USP15: variants seen among roughly 807,000 people sequenced by gnomAD.
USP15 encodes ubiquitin specific peptidase 15.
In USP15, 18 loss-of-function variants were observed where a neutral mutation model predicts 127.1. The observed-to-expected ratio is 0.14, with a 90% confidence interval of 0.10 to 0.21. USP15 has a LOEUF of 0.21. Among genes scored for constraint, USP15 ranks in the 10% least tolerant of loss-of-function variants. USP15 has a pLI of 1.00. For missense variants in USP15, 805 were observed against 1,159.9 expected (o/e 0.69, Z 4.44); for synonymous variants, 364 against 393.7 (o/e 0.92, Z 0.89).
intron 3 of USP15, among the ~76,000 whole-genome samples, chr12:62,308,415 A>T (rs2064551901): frequency 6.6e-6 from 1 of 152,050 alleles, no homozygotes. Context: ...AGTCAGTAGC[A>T]TGTGGCAGAA....
rs557723075 is a variant in USP15, at chr12:62,411,919, C to G, written c.*7544C>G. ...GTCATGAAGCCCTCACCCTCATGACCTCATCTAAACCTAATTATCTCCTAA... is the reference window on the plus strand; with the variant it reads ...GTCATGAAGCCCTCACCCTCATGACGTCATCTAAACCTAATTATCTCCTAA... On this transcript the variant is annotated 3_prime_UTR_variant, in exon 22 of 22. Transcript: ENST00000280377. 2 of 152,070 alleles carry G rather than the reference C, an allele frequency of 1.3e-5. No individual in the cohort carries two copies. The highest frequency in any genetic ancestry group is 3.9e-4 in the East Asian group (2 of 5,178). 9.4% of individuals were successfully genotyped at this position (152,070 alleles called of 1,614,324 possible).
Position 62,344,463 on chromosome 12 carries a change from C to A in USP15, c.684-4758C>A, listed in dbSNP as rs538862706. On this transcript the variant is annotated intron_variant, in intron 6 of 21. Coordinates refer to ENST00000280377, the MANE Select transcript of USP15 (RefSeq NM_001252078.2). ...TTCCCTGTGGCTTTGCAGGGTGTAG[C>A]CCCACTCCTGGCTGTTTTCATGGGC... is the stretch of plus-strand genomic sequence containing the variant. 3.5e-4 allele frequency among the ~76,000 whole-genome samples: 53 copies of A among 152,304 alleles called. No homozygotes were observed. In the South Asian group the frequency reaches 9.9e-3, roughly 29 times the overall value.
chr12:62,401,923 T>C (rs2067702958), intron 21 of USP15, among the ~76,000 whole-genome samples: 1 of 148,040 alleles, frequency 6.8e-6, no homozygotes. Context: ...TATATACATA[T>C]ATATATATAT....
At position 62,381,470 on chromosome 12, in the gene USP15, ATATAT is replaced by A; in HGVS notation, c.916-18_916-14del. 2 of 1,561,904 alleles carry A rather than the reference ATATAT, an allele frequency of 1.3e-6. No individual in the cohort carries two copies. The highest frequency in any genetic ancestry group is 1.7e-6 in the Non-Finnish European group (2 of 1,154,866). On this transcript the variant is annotated splice_polypyrimidine_tract_variant and intron_variant, in intron 8 of 21. Coordinates refer to ENST00000280377, the MANE Select transcript of USP15 (RefSeq NM_001252078.2). Reference sequence around the variant, plus strand: ...TCATTATGATTACTTTTACTTGAAAATATATTTTATTTTTTGCAGTGTTTGAGCAA... The same window carrying A: ...TCATTATGATTACTTTTACTTGAAAATTTATTTTTTGCAGTGTTTGAGCAA...
chr12:62,303,007 A>G (rs1429645342), intron 3 of USP15, 87 bp downstream of exon 3: 2 of 1,461,342 alleles, frequency 1.4e-6, no homozygotes, highest in Non-Finnish European at 1.9e-6. Flanking sequence ...GTGAAGTTTC[A>G]TCACTTATCT....
rs946062597 is a variant in USP15, at chr12:62,294,083, C to G, written c.90-96C>G. The G allele has an allele frequency of 3.8e-6, 5 of 1,320,230 alleles. No individual in the cohort carries two copies. In the Admixed American group the frequency reaches 7.5e-5, roughly 20 times the overall value. 81.8% of individuals were successfully genotyped at this position (1,320,230 alleles called of 1,614,324 possible). On this transcript the variant is annotated intron_variant, in intron 1 of 21. Transcript: ENST00000280377. ...CAAATATCCTTTGAAGTAGATATGT[C>G]TTTTAATATAAAAGGAAATATCAAA...
intron 4 of USP15, among the ~76,000 whole-genome samples, chr12:62,319,307 T>C (rs974506677): frequency 1.3e-5 from 2 of 152,148 alleles, no homozygotes; most frequent in African/African-American, 4.8e-5. Flanking sequence ...TCCCACCAGG[T>C]GCCTCCTCAA....
At chr12:62,260,582 C>A in intron 1 of USP15, 79 bp downstream of exon 1, 1 of 1,389,954 alleles carries the variant, frequency 7.2e-7, no homozygotes, top group Non-Finnish European at 9.9e-7. Context: ...CTGGTTCTTT[C>A]GCTAGTGACA....
intron 20 of USP15, among the ~76,000 whole-genome samples, chr12:62,400,753 A>C (rs1270748843): frequency 1.3e-5 from 2 of 152,102 alleles, no homozygotes; most frequent in East Asian, 3.8e-4. Context: ...GCTAGCTAAC[A>C]GTATAGTACC....
At chr12:62,382,789 G>T (rs569237701) in intron 9 of USP15, among the ~76,000 whole-genome samples, 153 of 151,960 alleles carry the variant, frequency 1.0e-3, no homozygotes, top group Non-Finnish European at 1.8e-3. Context: ...TAGAAACTAA[G>T]TGAGAGCCTA....
chr12:62,378,521 A>G (rs1322141813), intron 8 of USP15, among the ~76,000 whole-genome samples: 1 of 152,224 alleles, frequency 6.6e-6, no homozygotes, highest in Non-Finnish European at 1.5e-5. Flanking sequence ...CAGGCAAATT[A>G]TCATTAAAAT....
At chr12:62,400,981 A>G (rs1258025523) in intron 20 of USP15, among the ~76,000 whole-genome samples, 1 of 152,094 alleles carries the variant, frequency 6.6e-6, no homozygotes, top group Non-Finnish European at 1.5e-5. Flanking sequence ...ATGAAAAAAG[A>G]ATGTTTCAAC....
rs1042066331 is a variant in USP15, at chr12:62,407,009, A to G, written c.*2634A>G. 2.0e-5 allele frequency: 3 copies of G among 152,192 alleles called. No homozygotes were observed. The highest frequency in any genetic ancestry group is 2.9e-5 in the Non-Finnish European group (2 of 68,038). 9.4% of individuals were successfully genotyped at this position (152,192 alleles called of 1,614,324 possible). A position where few individuals can be genotyped will look rare whatever the true frequency, so the allele number is the denominator to read the frequency against. ...ATAGGTAATACAGGGTAATGGGAAT[A>G]TATCTAGACTAGAATTTCTACTTCT... On this transcript the variant is annotated 3_prime_UTR_variant, in exon 22 of 22. Coordinates refer to ENST00000280377, the MANE Select transcript of USP15 (RefSeq NM_001252078.2).
intron 16 of USP15, 126 bp from the exon 17 acceptor site, chr12:62,391,690 C>A: frequency 1.1e-6 from 1 of 944,836 alleles, no homozygotes; most frequent in Non-Finnish European, 1.5e-6. Context: ...CTGCTGTTTG[C>A]CCTAATCACC....
intron 3 of USP15, chr12:62,305,575 C>T (rs1439165298): frequency 1.3e-5 from 2 of 152,120 alleles, no homozygotes; most frequent in Non-Finnish European, 2.9e-5. Context: ...CAGATGAAAG[C>T]TTGGAGATGC....
At chr12:62,319,334 T>G (rs1373541910) in intron 4 of USP15, among the ~76,000 whole-genome samples, 1 of 152,184 alleles carries the variant, frequency 6.6e-6, no homozygotes, top group East Asian at 1.9e-4. Flanking sequence ...GGGATTACAA[T>G]TTGGCATGAG....
rs113329063 is a variant in USP15, at chr12:62,266,445, A to C, written c.89+5942A>C. 3.1e-3 allele frequency among the ~76,000 whole-genome samples: 473 copies of C among 152,332 alleles called. 1 individual carries two copies. The highest frequency in any genetic ancestry group is 9.9e-3 in the African/African-American group (411 of 41,592). On this transcript the variant is annotated intron_variant, in intron 1 of 21. Transcript: ENST00000280377. ...GATTTTTTCCCTAGAGATAACTCTT[A>C]AAGAATTTTTGAAGTGAAAGAACAT...
intron 1 of USP15, among the ~76,000 whole-genome samples, chr12:62,268,892 T>C (rs1216275813): frequency 6.6e-6 from 1 of 152,080 alleles, no homozygotes; most frequent in African/African-American, 2.4e-5. Context: ...CCATTAATAG[T>C]CACCTCCCAT....
At chr12:62,360,792 C>G (rs1041018756) in intron 8 of USP15, among the ~76,000 whole-genome samples, 2 of 151,986 alleles carry the variant, frequency 1.3e-5, no homozygotes, top group Admixed American at 1.3e-4. Flanking sequence ...AAATTTAAAA[C>G]TACTACTTTC....
Sources: allele counts gnomAD v4.1 joint callset (sites outside exome capture counted in the v4.1 genomes callset), GRCh38; gene constraint gnomAD v4.1.1; transcripts MANE v1.5; gene names NCBI Gene and HGNC (gene_info 2026-07-23, HGNC 2026-07-21).